The following NKAIN3 variants were observed in gnomAD, a reference collection of about 807,000 sequenced individuals.
NKAIN3 encodes the protein sodium/potassium-transporting ATPase subunit beta-1-interacting protein 3.
NKAIN3 carries 25 observed loss-of-function variants against 30.2 expected under a neutral mutation model. The ratio of observed to expected loss-of-function variants is 0.83; its 90% CI spans 0.60 to 1.16. The LOEUF is 1.16. Ranked by LOEUF, NKAIN3 falls within the 50% of genes most tolerant of loss-of-function variation. The probability of loss-of-function intolerance (pLI) is 0.00; values close to 1 mark genes in which losing one functional copy is unlikely to be tolerated. For synonymous variants in NKAIN3, 91 were observed against 89.6 expected (o/e 1.02, Z -0.09); for missense variants, 225 against 254.1 (o/e 0.89, Z 0.78).
At chr8:62,374,113 C>A (rs1319313205) in intron 1 of NKAIN3, among the ~76,000 whole-genome samples, 6 of 64,346 alleles carry the variant, frequency 9.3e-5, no homozygotes, top group Non-Finnish European at 1.8e-4. Context: ...ACTCCATCTC[C>A]AAAAAAAAAA....
intron 4 of NKAIN3, among the ~76,000 whole-genome samples, chr8:62,839,595 T>A (rs1291219665): frequency 6.6e-6 from 1 of 152,062 alleles, no homozygotes; most frequent in Non-Finnish European, 1.5e-5. Context: ...ATTTATTTGT[T>A]TATTTTTAGA....
At chr8:62,433,209 T>G (rs1164335563) in intron 1 of NKAIN3, among the ~76,000 whole-genome samples, 1 of 152,118 alleles carries the variant, frequency 6.6e-6, no homozygotes, top group African/African-American at 2.4e-5. Context: ...ACTGCTAAAT[T>G]CCAAATCTCA....
At chr8:62,639,803 T>C (rs1229056560) in intron 3 of NKAIN3, among the ~76,000 whole-genome samples, 3 of 152,026 alleles carry the variant, frequency 2.0e-5, no homozygotes, top group Non-Finnish European at 2.9e-5. Flanking sequence ...AAGTGGTTTT[T>C]TTCTGATTAC....
intron 4 of NKAIN3, among the ~76,000 whole-genome samples, chr8:62,764,811 A>G (rs182858136): frequency 3.6e-4 from 55 of 152,378 alleles, no homozygotes; most frequent in Non-Finnish European, 6.6e-4. Context: ...TGTGTCCTAC[A>G]TGTACTGGAC....
At chr8:62,717,277 G>A (rs924630793) in intron 3 of NKAIN3, among the ~76,000 whole-genome samples, 2 of 152,032 alleles carry the variant, frequency 1.3e-5, no homozygotes, top group Admixed American at 6.6e-5. Flanking sequence ...TAATATTTTG[G>A]AACTACTTCA....
At chr8:62,313,804 A>G (rs1325451442) in intron 1 of NKAIN3, among the ~76,000 whole-genome samples, 1 of 152,192 alleles carries the variant, frequency 6.6e-6, no homozygotes, top group Non-Finnish European at 1.5e-5. Context: ...CTAAGTTCAC[A>G]TTCAGGCCAA....
At chr8:62,664,366 ATTC>A (rs1813033981) in intron 3 of NKAIN3, among the ~76,000 whole-genome samples, 1 of 152,068 alleles carries the variant, frequency 6.6e-6, no homozygotes, top group Admixed American at 6.6e-5. Flanking sequence ...ATTTCCTGTG[ATTC>A]CATTTTCTCC....
In NKAIN3 at chr8:62,966,087, C is replaced by T. The variant is rs904992133; in HGVS notation, c.*680C>T. ...GAAGAGTAAAAGGATTAGTAGAACC[C>T]CTTTCCCCTTTGGAGGGAATATGGG... On this transcript the variant is annotated 3_prime_UTR_variant, in exon 7 of 7. Transcript: ENST00000623646. The T allele has an allele frequency of 9.1e-6, 9 of 983,846 alleles. No homozygotes were observed. Among genetic ancestry groups the T allele is most frequent in the Non-Finnish European group, 1.1e-5 (9 of 828,672 alleles). 60.9% of individuals were successfully genotyped at this position (983,846 alleles called of 1,614,324 possible).
At chr8:62,774,610 C>T (rs1453151673) in intron 4 of NKAIN3, among the ~76,000 whole-genome samples, 1 of 151,842 alleles carries the variant, frequency 6.6e-6, no homozygotes, top group African/African-American at 2.4e-5. Context: ...GGGTTTGTAT[C>T]ACAAAGGATG....
At chr8:62,640,084 T>C (rs935986210) in intron 3 of NKAIN3, among the ~76,000 whole-genome samples, 6 of 152,162 alleles carry the variant, frequency 3.9e-5, no homozygotes, top group Non-Finnish European at 7.3e-5. Context: ...TTCCCAATCA[T>C]TTACAAGTTT....
rs116517937 is a variant in NKAIN3, at chr8:62,468,989, A to G, written c.55-110550A>G. Among the ~76,000 whole-genome samples the G allele has an allele frequency of 7.0e-3, 1,068 of 152,214 alleles. 13 individuals carry two copies. The highest frequency in any genetic ancestry group is 0.025 in the African/African-American group (1,039 of 41,518). ...ATCAAATTTATTCTTGTCTAACCCA[A>G]CGTTCTGTTACTTTTCAATCCCTGA... is the stretch of plus-strand genomic sequence containing the variant. On this transcript the variant is annotated intron_variant, in intron 1 of 6. Transcript: ENST00000623646.
chr8:62,289,212 A>C (rs1419148372), intron 1 of NKAIN3, among the ~76,000 whole-genome samples: 1 of 152,134 alleles, frequency 6.6e-6, no homozygotes, highest in Non-Finnish European at 1.5e-5. Context: ...CTCTGATGGT[A>C]GTTTCTTTTG....
chr8:62,804,849 G>C (rs1305238972), intron 4 of NKAIN3, among the ~76,000 whole-genome samples: 1 of 152,174 alleles, frequency 6.6e-6, no homozygotes, highest in African/African-American at 2.4e-5. Context: ...TAGGAAAAGA[G>C]GAAGTCAAAT....
At chr8:62,450,911 T>C (rs1805618828) in intron 1 of NKAIN3, among the ~76,000 whole-genome samples, 1 of 152,220 alleles carries the variant, frequency 6.6e-6, no homozygotes, top group Admixed American at 6.5e-5. Context: ...AGGTAAGACA[T>C]GGCTAATCCA....
chr8:62,449,311 A>G (rs1805573482), intron 1 of NKAIN3, among the ~76,000 whole-genome samples: 1 of 152,048 alleles, frequency 6.6e-6, no homozygotes, highest in South Asian at 2.1e-4. Context: ...TGTGTAATCT[A>G]TTAAATCGTG....
intron 3 of NKAIN3, among the ~76,000 whole-genome samples, chr8:62,723,873 T>G (rs541969002): frequency 2.3e-4 from 35 of 152,242 alleles, no homozygotes; most frequent in African/African-American, 8.4e-4. Flanking sequence ...TAATCACAGA[T>G]AAGAGAAGAA....
chr8:62,805,688 C>T (rs1818254271), intron 4 of NKAIN3, among the ~76,000 whole-genome samples: 1 of 152,188 alleles, frequency 6.6e-6, no homozygotes, highest in Admixed American at 6.5e-5. Context: ...AGACCTAAAA[C>T]CATAAAATCC....
At chr8:62,495,472 A>AT (rs928631780) in intron 1 of NKAIN3, among the ~76,000 whole-genome samples, 1 of 150,986 alleles carries the variant, frequency 6.6e-6, no homozygotes, top group Non-Finnish European at 1.5e-5. Context: ...TTATCAAGAA[A>AT]TTTTTTTTGG....
chr8:62,937,243 G>A (rs184451587), intron 5 of NKAIN3, among the ~76,000 whole-genome samples: 1 of 152,224 alleles, frequency 6.6e-6, no homozygotes, highest in African/African-American at 2.4e-5. Context: ...ATGAACTTTT[G>A]TTCCAAGAAC....
Sources: gnomAD v4.1 joint callset for allele counts (sites outside exome capture counted in the v4.1 genomes callset) on GRCh38, gnomAD v4.1.1 for gene constraint, MANE v1.5 for transcripts, NCBI Gene and HGNC (gene_info 2026-07-23, HGNC 2026-07-21) for gene names.